Variants in PARD3 observed in about 807,000 individuals in gnomAD.
The protein encoded by PARD3 is partitioning defective 3 homolog.
Under a neutral mutation model 155.4 loss-of-function variants are expected in PARD3, and 75 were observed. That is an observed-to-expected ratio of 0.48 (90% CI 0.40 to 0.58). The LOEUF (loss-of-function observed/expected upper bound fraction) is 0.58, where lower values mean the gene tolerates loss of function less well. Ranked by LOEUF, PARD3 falls within the 20% of genes least tolerant of loss-of-function variation. The probability of loss-of-function intolerance (pLI) is 0.00; values close to 1 mark genes in which losing one functional copy is unlikely to be tolerated. For missense variants in PARD3, 1,642 were observed against 1,721.7 expected (o/e 0.95, Z 0.82); for synonymous variants, 576 against 610.5 (o/e 0.94, Z 0.83).
At chr10:34,641,685 C>G (rs1018828887) in intron 2 of PARD3, among the ~76,000 whole-genome samples, 3 of 152,156 alleles carry the variant, frequency 2.0e-5, no homozygotes, top group Non-Finnish European at 2.9e-5. Context: ...CGGAGCACCA[C>G]GCATGGCTGG....
intron 1 of PARD3, among the ~76,000 whole-genome samples, chr10:34,811,262 C>G (rs557551401): frequency 1.3e-5 from 2 of 152,322 alleles, no homozygotes; most frequent in Admixed American, 6.5e-5. Flanking sequence ...GGGTCTTGCC[C>G]TGGCATTCTG....
intron 2 of PARD3, among the ~76,000 whole-genome samples, chr10:34,695,086 G>C (rs972093744): frequency 2.6e-5 from 4 of 152,006 alleles, no homozygotes; most frequent in South Asian, 2.1e-4. Flanking sequence ...GGTTTTAGGA[G>C]ACAGTCGACC....
intron 20 of PARD3, among the ~76,000 whole-genome samples, chr10:34,310,615 G>T (rs1589136759): frequency 6.6e-6 from 1 of 152,188 alleles, no homozygotes; most frequent in Admixed American, 6.5e-5. Context: ...TTCAGCCTGG[G>T]CGCTGTGGAT....
intron 2 of PARD3, among the ~76,000 whole-genome samples, chr10:34,583,167 C>T (rs1333681659): frequency 6.6e-6 from 1 of 152,134 alleles, no homozygotes; most frequent in Non-Finnish European, 1.5e-5. Context: ...TACCAAAATG[C>T]ACCAACAAAT....
rs188181223 is a variant in PARD3, at chr10:34,721,907, G to A, written c.121-25488C>T. Among the ~76,000 whole-genome samples, 13 of 152,344 alleles carry A rather than the reference G, an allele frequency of 8.5e-5. No homozygotes were observed. The East Asian group carries it at 2.5e-3, about 29-fold the overall frequency. On this transcript the variant is annotated intron_variant, in intron 1 of 24. Coordinates refer to ENST00000374788, the MANE Select transcript of PARD3 (RefSeq NM_001184785.2). ...ATATTGTCTAAACAGGCTGGGTGCA[G>A]TGGCTCACGCCTGTAATCCTAGAGC...
intron 2 of PARD3, among the ~76,000 whole-genome samples, chr10:34,604,816 T>C (rs2090089399): frequency 6.6e-6 from 1 of 151,986 alleles, no homozygotes; most frequent in Non-Finnish European, 1.5e-5. Context: ...AAGTCACTGA[T>C]AAATTTGCAG....
chr10:34,424,383 A>C (rs549170511), intron 5 of PARD3, among the ~76,000 whole-genome samples: 1 of 152,336 alleles, frequency 6.6e-6, no homozygotes, highest in Non-Finnish European at 1.5e-5. Flanking sequence ...TTCGAGTAAC[A>C]GAAAACCGTT....
chr10:34,423,468 T>C (rs2075425824), intron 5 of PARD3, among the ~76,000 whole-genome samples: 1 of 152,178 alleles, frequency 6.6e-6, no homozygotes, highest in South Asian at 2.1e-4. Context: ...TTTTAAGTGT[T>C]CTCACCACAC....
At chr10:34,753,998 A>G (rs984404112) in intron 1 of PARD3, among the ~76,000 whole-genome samples, 4 of 152,086 alleles carry the variant, frequency 2.6e-5, no homozygotes, top group African/African-American at 9.7e-5. Context: ...ATCAGACAAC[A>G]TATGGAATTC....
intron 1 of PARD3, among the ~76,000 whole-genome samples, chr10:34,781,469 G>T (rs928633963): frequency 1.3e-5 from 2 of 152,178 alleles, no homozygotes; most frequent in Non-Finnish European, 2.9e-5. Context: ...CACAGATGAG[G>T]CTTGGTTTAA....
chr10:34,328,382 A>AG (rs1413410359), intron 19 of PARD3, among the ~76,000 whole-genome samples: 2 of 152,154 alleles, frequency 1.3e-5, no homozygotes, highest in South Asian at 4.1e-4. Flanking sequence ...TAGGGCAGTG[A>AG]GGGGGTACAT....
At chr10:34,626,518 G>A (rs924066137) in intron 2 of PARD3, among the ~76,000 whole-genome samples, 1 of 152,232 alleles carries the variant, frequency 6.6e-6, no homozygotes, top group Middle Eastern at 3.4e-3. Context: ...AATGTAATTG[G>A]ACATTATTCT....
At chr10:34,792,267 A>C (rs1483722270) in intron 1 of PARD3, among the ~76,000 whole-genome samples, 1 of 152,116 alleles carries the variant, frequency 6.6e-6, no homozygotes, top group Non-Finnish European at 1.5e-5. Context: ...TGTAGGAAGA[A>C]AAGTACAAGG....
intron 1 of PARD3, among the ~76,000 whole-genome samples, chr10:34,790,641 T>C (rs1266434829): frequency 6.6e-6 from 1 of 152,124 alleles, no homozygotes; most frequent in Non-Finnish European, 1.5e-5. Context: ...AAAAAATAAA[T>C]AAGTTATGGC....
rs1018126748 is a variant in PARD3 at position 34,470,015 on chromosome 10, C to A, written c.582+70G>T. The A allele has an allele frequency of 4.7e-6, 6 of 1,282,128 alleles. No individual in the cohort carries two copies. The African/African-American group carries it at 7.5e-5, about 16-fold the overall frequency. 79.4% of individuals were successfully genotyped at this position (1,282,128 alleles called of 1,614,324 possible). A position where few individuals can be genotyped will look rare whatever the true frequency, so the allele number is the denominator to read the frequency against. ...GGAATCCAATGGTTTACCCAAGACA[C>A]GACACTCATCACGGACACCAAGAAG... On this transcript the variant is annotated intron_variant, in intron 4 of 24. Coordinates refer to ENST00000374788, the MANE Select transcript of PARD3 (RefSeq NM_001184785.2).
intron 1 of PARD3, among the ~76,000 whole-genome samples, chr10:34,794,431 C>G (rs955101677): frequency 6.6e-6 from 1 of 152,212 alleles, no homozygotes; most frequent in Non-Finnish European, 1.5e-5. Context: ...TAATTTCTAT[C>G]ATTTTCCAAA....
At chr10:34,253,389 T>C (rs1186729367) in intron 22 of PARD3, among the ~76,000 whole-genome samples, 1 of 152,190 alleles carries the variant, frequency 6.6e-6, no homozygotes, top group Admixed American at 6.5e-5. Context: ...AAACCAAGAA[T>C]GTTAAATTCT....
intron 2 of PARD3, among the ~76,000 whole-genome samples, chr10:34,552,746 C>T (rs1451630950): frequency 6.6e-6 from 1 of 151,756 alleles, no homozygotes; most frequent in Non-Finnish European, 1.5e-5. Flanking sequence ...TTTACTCTTC[C>T]AGAATCTAAT....
intron 22 of PARD3, among the ~76,000 whole-genome samples, chr10:34,165,670 G>A (rs1281983424): frequency 2.6e-5 from 4 of 152,148 alleles, no homozygotes; most frequent in African/African-American, 9.7e-5. Context: ...CCTGTTTTTG[G>A]TCTTCACATT....
Sources: allele counts gnomAD v4.1 joint callset (sites outside exome capture counted in the v4.1 genomes callset), GRCh38; gene constraint gnomAD v4.1.1; transcripts MANE v1.5; gene names NCBI Gene and HGNC (gene_info 2026-07-23, HGNC 2026-07-21).